AGBL4: variants seen among roughly 807,000 people sequenced by gnomAD.
The protein encoded by AGBL4 is AGBL carboxypeptidase 4.
A neutral mutation model predicts 66.4 loss-of-function variants in AGBL4; 58 were observed. The ratio of observed to expected loss-of-function variants is 0.87; its 90% CI spans 0.71 to 1.09. The LOEUF is 1.09. Ranked by LOEUF, AGBL4 falls within the 50% of genes least tolerant of loss-of-function variation. AGBL4 has a pLI of 0.00. For missense variants in AGBL4, 579 were observed against 631.0 expected, an observed-to-expected ratio of 0.92 and a Z score of 0.88; for synonymous variants, 234 against 222.9, an observed-to-expected ratio of 1.05 and a Z score of -0.44.
chr1:49,807,891 C>T (rs751907569), intron 2 of AGBL4, among the ~76,000 whole-genome samples: 2 of 152,216 alleles, frequency 1.3e-5, no homozygotes, highest in Non-Finnish European at 2.9e-5. Flanking sequence ...CTTGCCCCTT[C>T]CACCCATGTG....
intron 6 of AGBL4, chr1:48,761,288 A>G: frequency 1.3e-6 from 2 of 1,511,992 alleles, no homozygotes; most frequent in Non-Finnish European, 1.8e-6. Flanking sequence ...GCTACGAGAT[A>G]TCTGAAAATG....
chr1:49,432,066 A>G (rs1645800342), intron 3 of AGBL4, among the ~76,000 whole-genome samples: 1 of 152,180 alleles, frequency 6.6e-6, no homozygotes, highest in East Asian at 1.9e-4. Flanking sequence ...TTAGGATTAA[A>G]CAAGTTTATT....
At chr1:49,284,417 C>A (rs887500489) in intron 3 of AGBL4, among the ~76,000 whole-genome samples, 37 of 152,078 alleles carry the variant, frequency 2.4e-4, no homozygotes, top group Non-Finnish European at 5.0e-4. Flanking sequence ...ACTGCAAAAT[C>A]ATGCCAAAAT....
intron 1 of AGBL4, among the ~76,000 whole-genome samples, chr1:49,890,772 C>T (rs1239208061): frequency 2.0e-5 from 3 of 152,112 alleles, no homozygotes; most frequent in Non-Finnish European, 4.4e-5. Context: ...AACAGAAAAA[C>T]ATGATCTTAG....
chr1:49,866,989 GTC>G (rs967057745), intron 1 of AGBL4, among the ~76,000 whole-genome samples: 1 of 152,020 alleles, frequency 6.6e-6, no homozygotes, highest in Non-Finnish European at 1.5e-5. Flanking sequence ...TTACGTGAGG[GTC>G]TGACTGGCTT....
At chr1:49,014,928 G>C (rs185964538) in intron 5 of AGBL4, among the ~76,000 whole-genome samples, 2 of 152,272 alleles carry the variant, frequency 1.3e-5, no homozygotes, top group Admixed American at 1.3e-4. Flanking sequence ...CTTACCAATG[G>C]ACCCAGGGGT....
At chr1:48,721,733 G>A (rs533426187) in intron 6 of AGBL4, among the ~76,000 whole-genome samples, 7 of 152,332 alleles carry the variant, frequency 4.6e-5, no homozygotes, top group Admixed American at 1.3e-4. Context: ...CAGGCACAGA[G>A]CTGTCTTTCC....
chr1:49,574,735 G>A (rs569797982), intron 3 of AGBL4, among the ~76,000 whole-genome samples: 1 of 152,160 alleles, frequency 6.6e-6, no homozygotes, highest in Non-Finnish European at 1.5e-5. Flanking sequence ...CAAAGGCAAG[G>A]TGGGCATAGC....
chr1:49,243,837 C>A (rs184564855), intron 4 of AGBL4, among the ~76,000 whole-genome samples: 1 of 151,770 alleles, frequency 6.6e-6, no homozygotes, highest in Non-Finnish European at 1.5e-5. Context: ...GCTATGGTAC[C>A]TTATGCCTAA....
At chr1:50,019,306 T>TCA (rs35648756) in intron 1 of AGBL4, among the ~76,000 whole-genome samples, 2,127 of 48,396 alleles carry the variant, frequency 0.044, 75 homozygotes, top group Non-Finnish European at 0.057. Context: ...TCTCTCTCTC[T>TCA]CACACACACA....
chr1:49,302,247 T>G (rs1238772578), intron 3 of AGBL4, among the ~76,000 whole-genome samples: 1 of 151,980 alleles, frequency 6.6e-6, no homozygotes, highest in Non-Finnish European at 1.5e-5. Context: ...CTACCCTTCT[T>G]TCACATGCAC....
At chr1:48,958,964 C>T (rs1488944113) in intron 5 of AGBL4, among the ~76,000 whole-genome samples, 1 of 152,194 alleles carries the variant, frequency 6.6e-6, no homozygotes, top group Non-Finnish European at 1.5e-5. Flanking sequence ...GTTTGCCTCT[C>T]CTATTAGACT....
chr1:49,731,706 A>G (rs1310947891), intron 2 of AGBL4, among the ~76,000 whole-genome samples: 2 of 152,152 alleles, frequency 1.3e-5, no homozygotes, highest in African/African-American at 4.8e-5. Flanking sequence ...CCTTTTCATA[A>G]AGGTGAAGGG....
At chr1:49,534,873 A>G (rs953817735) in intron 3 of AGBL4, among the ~76,000 whole-genome samples, 2 of 152,254 alleles carry the variant, frequency 1.3e-5, no homozygotes, top group Non-Finnish European at 2.9e-5. Context: ...AGTTGCTCAT[A>G]TGGAGAATCA....
At chr1:49,500,719 T>G (rs529095978) in intron 3 of AGBL4, among the ~76,000 whole-genome samples, 1 of 152,286 alleles carries the variant, frequency 6.6e-6, no homozygotes, top group South Asian at 2.1e-4. Context: ...GGTTCTCTAT[T>G]CTGTTCCATT....
intron 4 of AGBL4, among the ~76,000 whole-genome samples, chr1:49,172,717 T>A (rs746459905): frequency 2.0e-5 from 3 of 152,200 alleles, no homozygotes; most frequent in Non-Finnish European, 4.4e-5. Flanking sequence ...TAAAAGACCA[T>A]ACAAGTTCGT....
intron 5 of AGBL4, among the ~76,000 whole-genome samples, chr1:48,895,591 G>A (rs907361703): frequency 4.6e-5 from 7 of 152,210 alleles, no homozygotes; most frequent in African/African-American, 1.7e-4. Context: ...TCAATCAAGC[G>A]AGTTGATTTT....
chr1:49,465,387 T>C (rs1646608399), intron 3 of AGBL4, among the ~76,000 whole-genome samples: 1 of 151,660 alleles, frequency 6.6e-6, no homozygotes, highest in Non-Finnish European at 1.5e-5. Flanking sequence ...TCCTCATTTG[T>C]AAAACTGTCA....
intron 4 of AGBL4, among the ~76,000 whole-genome samples, chr1:49,107,459 G>A (rs1195519845): frequency 6.6e-6 from 1 of 152,100 alleles, no homozygotes; most frequent in African/African-American, 2.4e-5. Context: ...ATTAGGATAT[G>A]GAGAAGATGA....
Sources: allele counts gnomAD v4.1 joint callset (sites outside exome capture counted in the v4.1 genomes callset), GRCh38; gene constraint gnomAD v4.1.1; transcripts MANE v1.5; gene names NCBI Gene and HGNC (gene_info 2026-07-23, HGNC 2026-07-21).